The following SH3RF3 variants were observed in gnomAD, a reference collection of about 807,000 sequenced individuals.
SH3RF3 encodes the protein SH3 domain containing ring finger 3.
Under a neutral mutation model 66.3 loss-of-function variants are expected in SH3RF3, and 29 were observed. The observed-to-expected ratio is 0.44, with a 90% CI of 0.33 to 0.60. The LOEUF (loss-of-function observed/expected upper bound fraction) is 0.60. Ranked by LOEUF, SH3RF3 falls within the 20% of genes least tolerant of loss-of-function variation. The pLI is 0.04. For synonymous variants in SH3RF3, 583 were observed against 532.0 expected (o/e 1.10, Z -1.32); for missense variants, 1,194 against 1,190.9 (o/e 1.00, Z -0.04).
chr2:109,374,747 C>T lies in SH3RF3; in HGVS notation c.945+3066C>T, dbSNP rs560254682. 8.5e-5 allele frequency among the ~76,000 whole-genome samples: 13 copies of T among 152,338 alleles called. No individual in the cohort carries two copies. In the East Asian group the frequency reaches 9.7e-4, roughly 11 times the overall value. On this transcript the variant is annotated intron_variant, in intron 3 of 9. Coordinates refer to ENST00000309415, the MANE Select transcript of SH3RF3 (RefSeq NM_001099289.3). ...AGGTCTCCTCCACAGCCGCTCCAGCCGGGATCTGCAGGCACCTGGCAGGGT... is the reference window on the plus strand; with the variant it reads ...AGGTCTCCTCCACAGCCGCTCCAGCTGGGATCTGCAGGCACCTGGCAGGGT...
rs1559080969 is a variant in SH3RF3 at position 109,432,642 on chromosome 2, C to T, written c.1545C>T (p.Phe515=). 1.9e-6 allele frequency: 3 copies of T among 1,612,586 alleles called. No homozygotes were observed. The highest frequency in any genetic ancestry group is 2.2e-5 in the East Asian group (1 of 44,848). The change falls in exon 6 of 10, where the codon TTC becomes TTT. Residue 515 remains phenylalanine (F), a synonymous_variant. Coordinates refer to ENST00000309415, the MANE Select transcript of SH3RF3 (RefSeq NM_001099289.3). The part of the protein sequence containing the change: ...ASLRTGVSGV[F]PGNYVTPVSR... ...TGAGGACCGGGGTCTCTGGGGTGTT[C>T]CCCGGAAACTACGTGACACCCGTTT... is the stretch of plus-strand genomic sequence containing the variant.
At chr2:109,223,965 G>C (rs1293391569) in intron 1 of SH3RF3, among the ~76,000 whole-genome samples, 1 of 152,188 alleles carries the variant, frequency 6.6e-6, no homozygotes, top group African/African-American at 2.4e-5. Context: ...TTGTGCCACT[G>C]CACTCCAGCC....
intron 9 of SH3RF3, among the ~76,000 whole-genome samples, chr2:109,495,622 GGATT>G (rs36188332): frequency 0.26 from 38,686 of 150,760 alleles, 5,283 homozygotes; most frequent in East Asian, 0.51. Context: ...CAAGTAGCTG[GGATT>G]GATTACAGGC....
intron 1 of SH3RF3, among the ~76,000 whole-genome samples, chr2:109,148,967 C>T (rs1183566650): frequency 6.6e-6 from 1 of 152,164 alleles, no homozygotes; most frequent in East Asian, 1.9e-4. Context: ...CCCAGGCAAG[C>T]TTTGGGAATC....
chr2:109,347,537 T>G, intron 1 of SH3RF3, 137 bp from the exon 2 acceptor site: 1 of 1,185,378 alleles, frequency 8.4e-7, no homozygotes, highest in Non-Finnish European at 1.2e-6. Context: ...TTAAAATATT[T>G]TCCACTTGCG....
At position 109,432,530 on chromosome 2, in the gene SH3RF3, A is replaced by G. The variant is rs948318504; in HGVS notation, c.1433A>G (p.Gln478Arg). ...VYLALYAYKP[Q>R]KSDELELHKG... ...CTGGCGCTCTACGCCTACAAGCCCCAGAAGAGTGACGAGCTGGAGCTGCAC... is the reference window on the plus strand; with the variant it reads ...CTGGCGCTCTACGCCTACAAGCCCCGGAAGAGTGACGAGCTGGAGCTGCAC... The change falls in exon 6 of 10, where the codon CAG (glutamine) becomes CGG (arginine). Residue 478 changes from glutamine to arginine, a missense_variant. By Grantham distance (43) the Gln-to-Arg change is conservative. Coordinates refer to ENST00000309415, the MANE Select transcript of SH3RF3 (RefSeq NM_001099289.3). 3.1e-6 allele frequency: 5 copies of G among 1,613,574 alleles called. No individual in the cohort carries two copies. The highest frequency in any genetic ancestry group is 1.3e-5 in the African/African-American group (1 of 74,942).
At chr2:109,267,730 G>C (rs968869505) in intron 1 of SH3RF3, among the ~76,000 whole-genome samples, 2 of 152,186 alleles carry the variant, frequency 1.3e-5, no homozygotes, top group Non-Finnish European at 2.9e-5. Context: ...CTGTTTCTCA[G>C]TGCATGTCAG....
chr2:109,353,404 A>C (rs752220382), intron 2 of SH3RF3, among the ~76,000 whole-genome samples: 75 of 152,214 alleles, frequency 4.9e-4, no homozygotes, highest in Non-Finnish European at 9.0e-4. Context: ...AGCACCCCAC[A>C]CTGAGACTCC....
intron 2 of SH3RF3, among the ~76,000 whole-genome samples, chr2:109,361,011 T>C (rs183627936): frequency 2.0e-5 from 3 of 152,344 alleles, no homozygotes. Flanking sequence ...CTATTTGTAG[T>C]TTACTGAGAG....
intron 1 of SH3RF3, among the ~76,000 whole-genome samples, chr2:109,312,667 C>T (rs926019373): frequency 2.0e-5 from 3 of 152,220 alleles, no homozygotes; most frequent in Non-Finnish European, 2.9e-5. Context: ...TTCGTATTTT[C>T]GAAGTTCATC....
At chr2:109,229,856 G>A (rs1161144637) in intron 1 of SH3RF3, among the ~76,000 whole-genome samples, 7 of 136,072 alleles carry the variant, frequency 5.1e-5, no homozygotes, top group South Asian at 2.2e-4. Flanking sequence ...GCGGAGTCTC[G>A]CTCTGTTGCC....
At chr2:109,431,476 G>A (rs955040460) in intron 5 of SH3RF3, among the ~76,000 whole-genome samples, 9 of 152,158 alleles carry the variant, frequency 5.9e-5, no homozygotes, top group Non-Finnish European at 1.2e-4. Flanking sequence ...AAAGATATAG[G>A]TATAGTTAAG....
chr2:109,182,714 G>A (rs1678099285), intron 1 of SH3RF3, among the ~76,000 whole-genome samples: 1 of 152,126 alleles, frequency 6.6e-6, no homozygotes. Context: ...ATCAACTACT[G>A]CAGTGGTCTA....
At chr2:109,261,522 A>T (rs554645890) in intron 1 of SH3RF3, among the ~76,000 whole-genome samples, 5 of 152,290 alleles carry the variant, frequency 3.3e-5, no homozygotes, top group African/African-American at 1.2e-4. Context: ...TGTGTGCAGC[A>T]GCCAGGCACC....
At chr2:109,440,117 T>C (rs538886651) in intron 7 of SH3RF3, among the ~76,000 whole-genome samples, 21 of 152,312 alleles carry the variant, frequency 1.4e-4, no homozygotes, top group African/African-American at 5.1e-4. Context: ...ATAACTCTTG[T>C]TTTGGGGAAC....
At chr2:109,260,234 T>A (rs1680317225) in intron 1 of SH3RF3, among the ~76,000 whole-genome samples, 1 of 152,104 alleles carries the variant, frequency 6.6e-6, no homozygotes, top group Non-Finnish European at 1.5e-5. Context: ...TTTACCGTCC[T>A]CTCCCTAGTG....
intron 1 of SH3RF3, among the ~76,000 whole-genome samples, chr2:109,326,676 T>C (rs993677810): frequency 1.3e-5 from 2 of 152,260 alleles, no homozygotes; most frequent in Admixed American, 6.5e-5. Flanking sequence ...AGTTAACTTA[T>C]CTTTTTCTTG....
intron 1 of SH3RF3, among the ~76,000 whole-genome samples, chr2:109,195,840 C>G (rs1018813469): frequency 1.2e-4 from 19 of 152,180 alleles, no homozygotes; most frequent in Admixed American, 2.0e-4. Context: ...GTCGCCTGAT[C>G]CCGGCATGGA....
intron 8 of SH3RF3, among the ~76,000 whole-genome samples, chr2:109,488,509 G>T (rs541608522): frequency 6.6e-6 from 1 of 152,340 alleles, no homozygotes; most frequent in East Asian, 1.9e-4. Flanking sequence ...CAGGCCTTAT[G>T]CCCTGCCTAC....
Sources: allele counts gnomAD v4.1 joint callset (sites outside exome capture counted in the v4.1 genomes callset), GRCh38; gene constraint gnomAD v4.1.1; transcripts MANE v1.5; gene names NCBI Gene and HGNC (gene_info 2026-07-23, HGNC 2026-07-21).